The following MAF variants were observed in gnomAD, a reference collection of about 807,000 sequenced individuals.
MAF encodes transcription factor Maf.
In MAF, 10 loss-of-function variants were observed where a neutral mutation model predicts 22.0. The ratio of observed to expected loss-of-function variants is 0.45; its 90% CI spans 0.28 to 0.77. MAF has a LOEUF of 0.77. MAF is among the 30% of genes least tolerant of loss of function. The pLI is 0.12. For synonymous variants in MAF, 337 were observed against 255.8 expected (o/e 1.32, Z -3.03); for missense variants, 544 against 548.4 (o/e 0.99, Z 0.08).
downstream of MAF, among the ~76,000 whole-genome samples, chr16:79,591,289 G>A (rs1373785833): frequency 6.6e-6 from 1 of 152,144 alleles, no homozygotes; most frequent in Admixed American, 6.5e-5. Context: ...GGGGCAGGTT[G>A]AGGAGTGCAG....
the MAF span, among the ~76,000 whole-genome samples, chr16:79,312,356 A>T: frequency 3.9e-5 from 6 of 152,308 alleles, no homozygotes; most frequent in East Asian, 1.2e-3. Context: ...TAAATACGAA[A>T]GCAGAGGTAA....
intron 1 of MAF, 77 bp from the exon 2 acceptor site, chr16:79,594,630 C>T: frequency 6.7e-7 from 1 of 1,499,442 alleles, no homozygotes. Context: ...AGCTAGATTT[C>T]CTCATATGAT....
At chr16:79,494,777 G>A in the MAF span, among the ~76,000 whole-genome samples, 1 of 152,280 alleles carries the variant, frequency 6.6e-6, no homozygotes, top group African/African-American at 2.4e-5. Context: ...TCAGTCCCAT[G>A]AGACTGGTCC....
At chr16:79,348,879 A>C in the MAF span, among the ~76,000 whole-genome samples, 1 of 152,146 alleles carries the variant, frequency 6.6e-6, no homozygotes, top group African/African-American at 2.4e-5. Flanking sequence ...GTCTCATGAG[A>C]GGTGTTGTTA....
At position 79,598,882 on chromosome 16, in the gene MAF, T is replaced by G. The variant is rs745969993; in HGVS notation, c.1021A>C (p.Arg341=). 6 of 1,613,600 alleles carry G rather than the reference T, an allele frequency of 3.7e-6. No individual in the cohort carries two copies. In the South Asian group the frequency reaches 4.4e-5, roughly 12 times the overall value. ...TCGTATTTCTCCTTGTACGCGTCCC[T>G]CTCGCGCACCAGCCTGGAGATCTCC... is the stretch of plus-strand genomic sequence containing the variant. ...KQEISRLVRE[R]DAYKEKYEKL... Residue 341 remains arginine (R), a synonymous_variant, in exon 1 of 2, where the codon AGG becomes CGG. Transcript: ENST00000326043.
At chr16:79,586,419 C>A (rs926690913) in intron 1 of MAF, among the ~76,000 whole-genome samples, 1 of 152,222 alleles carries the variant, frequency 6.6e-6, no homozygotes, top group South Asian at 2.1e-4. Flanking sequence ...GCCCCCACCT[C>A]CTCTGTTGCT....
At chr16:79,236,550 A>C in the MAF span, among the ~76,000 whole-genome samples, 1 of 152,074 alleles carries the variant, frequency 6.6e-6, no homozygotes, top group Non-Finnish European at 1.5e-5. Context: ...CTTTCAAAAC[A>C]TAAAGTACAT....
chr16:79,210,065 G>A, the MAF span, among the ~76,000 whole-genome samples: 8 of 152,304 alleles, frequency 5.3e-5, no homozygotes, highest in African/African-American at 1.9e-4. Context: ...TTCAGGACCA[G>A]TGGAACTTGT....
At chr16:79,570,694 G>T in the MAF span, among the ~76,000 whole-genome samples, 10 of 152,292 alleles carry the variant, frequency 6.6e-5, no homozygotes, top group African/African-American at 2.4e-4. Flanking sequence ...ATTCCCTTCT[G>T]CAAATATTCC....
the MAF span, among the ~76,000 whole-genome samples, chr16:79,415,196 T>C: frequency 2.6e-5 from 4 of 151,952 alleles, no homozygotes; most frequent in African/African-American, 7.3e-5. Context: ...CTCTTGTTAG[T>C]TCATTAGCAC....
the MAF span, among the ~76,000 whole-genome samples, chr16:79,430,842 C>A: frequency 6.6e-6 from 1 of 152,342 alleles, no homozygotes; most frequent in Non-Finnish European, 1.5e-5. Flanking sequence ...TTGGCCTCAG[C>A]ACCCTTTCTT....
At chr16:79,273,693 C>G in the MAF span, among the ~76,000 whole-genome samples, 3 of 16,058 alleles carry the variant, frequency 1.9e-4, no homozygotes, top group African/African-American at 4.9e-4. Context: ...TCTTCTGCCT[C>G]CCTCCCACTG....
At chr16:79,258,713 C>A in the MAF span, among the ~76,000 whole-genome samples, 2 of 152,178 alleles carry the variant, frequency 1.3e-5, no homozygotes, top group South Asian at 4.1e-4. Flanking sequence ...GTTAGGCACC[C>A]AGCAAACTTG....
chr16:79,210,934 G>T, the MAF span, among the ~76,000 whole-genome samples: 1 of 152,136 alleles, frequency 6.6e-6, no homozygotes, highest in African/African-American at 2.4e-5. Flanking sequence ...TGGTCCCATT[G>T]TAAATCTGGG....
the MAF span, among the ~76,000 whole-genome samples, chr16:79,556,062 T>C: frequency 1.3e-5 from 2 of 152,194 alleles, no homozygotes; most frequent in African/African-American, 4.8e-5. Flanking sequence ...ATGATTTGTT[T>C]ATAATATATT....
the MAF span, among the ~76,000 whole-genome samples, chr16:79,409,366 G>A: frequency 1.3e-5 from 2 of 152,194 alleles, no homozygotes; most frequent in Non-Finnish European, 2.9e-5. Flanking sequence ...AGATAGCTCT[G>A]TCCTTATTCT....
At chr16:79,391,854 GAGA>G in the MAF span, among the ~76,000 whole-genome samples, 3 of 150,740 alleles carry the variant, frequency 2.0e-5, no homozygotes, top group Non-Finnish European at 3.0e-5. Flanking sequence ...GGGAAAGAGA[GAGA>G]AGAAGGAGGA....
intron 1 of MAF, chr16:79,598,005 G>A (rs2143786219): frequency 9.8e-7 from 1 of 1,022,732 alleles, no homozygotes; most frequent in East Asian, 6.0e-5. Flanking sequence ...CTTGATTGTG[G>A]AAGGTTCATG....
chr16:79,595,893 C>G, intron 1 of MAF: 1 of 1,058,720 alleles, frequency 9.4e-7, no homozygotes, highest in Non-Finnish European at 1.1e-6. Flanking sequence ...TTTCTTTTTC[C>G]TATTTAAGAC....
Sources: gnomAD v4.1 joint callset for allele counts (sites outside exome capture counted in the v4.1 genomes callset) on GRCh38, gnomAD v4.1.1 for gene constraint, MANE v1.5 for transcripts, NCBI Gene and HGNC (gene_info 2026-07-23, HGNC 2026-07-21) for gene names.